Variants in PTPRT observed in about 807,000 individuals in gnomAD.
The protein encoded by PTPRT is protein tyrosine phosphatase receptor type T, also known as receptor-type tyrosine-protein phosphatase T.
PTPRT carries 56 observed loss-of-function variants against 176.8 expected under a neutral mutation model. That is an observed-to-expected ratio of 0.32 (90% CI 0.26 to 0.40). The LOEUF is 0.40. Ranked by LOEUF, PTPRT falls within the 10% of genes least tolerant of loss-of-function variation. The pLI is 1.00. For missense variants in PTPRT, 1,540 were observed against 1,908.2 expected (o/e 0.81, Z 3.60); for synonymous variants, 783 against 739.0 (o/e 1.06, Z -0.96).
chr20:42,838,847 G>A (rs908029147), intron 2 of PTPRT, among the ~76,000 whole-genome samples: 12 of 152,182 alleles, frequency 7.9e-5, no homozygotes, highest in East Asian at 1.9e-4. Context: ...CGTGTCCCCC[G>A]CTCATCCTTC....
chr20:43,098,133 G>A (rs1459182984), intron 1 of PTPRT, among the ~76,000 whole-genome samples: 2 of 152,166 alleles, frequency 1.3e-5, no homozygotes, highest in Non-Finnish European at 2.9e-5. Flanking sequence ...GAGATGGAAG[G>A]AAGCTCCAAG....
intron 5 of PTPRT, among the ~76,000 whole-genome samples, chr20:42,758,369 G>A (rs1569138131): frequency 1.3e-5 from 2 of 152,060 alleles, no homozygotes; most frequent in Non-Finnish European, 2.9e-5. Flanking sequence ...GAGCCACACT[G>A]CTCAGCTCTA....
Position 43,189,826 on chromosome 20 carries a change from G to T in PTPRT, c.-93C>A, listed in dbSNP as rs2015497219. Reference sequence around the variant, plus strand: ...GTGGCCCCGCATCGCCGGCGCGGCCGCTGGCTGTGCGCGCGGCTGGCTCCG... The same window carrying T: ...GTGGCCCCGCATCGCCGGCGCGGCCTCTGGCTGTGCGCGCGGCTGGCTCCG... On this transcript the variant is annotated 5_prime_UTR_variant, in exon 1 of 31. Coordinates refer to ENST00000373187, the MANE Select transcript of PTPRT (RefSeq NM_007050.6). This position sits in a 1 kb window ranked among gnomAD's most constrained non-coding sequence, Gnocchi z 5.0. The T allele has an allele frequency of 4.9e-6, 3 of 606,878 alleles. No individual in the cohort carries two copies. Among genetic ancestry groups the T allele is most frequent in the Non-Finnish European group, 6.2e-6 (3 of 483,154 alleles). The allele number at this position is 606,878 out of a possible 1,614,324, so 37.6% of individuals were successfully genotyped here.
At chr20:42,979,993 G>C (rs1324524147) in intron 1 of PTPRT, among the ~76,000 whole-genome samples, 11 of 102,216 alleles carry the variant, frequency 1.1e-4, no homozygotes, top group African/African-American at 3.3e-4. Flanking sequence ...GGGGGGGTGG[G>C]GGGGGGTCTT....
At chr20:42,032,406 A>G in the PTPRT span, among the ~76,000 whole-genome samples, 2 of 152,196 alleles carry the variant, frequency 1.3e-5, no homozygotes, top group African/African-American at 4.8e-5. Context: ...CTGATAATCA[A>G]AAGAGATCAT....
At chr20:42,461,019 CA>C in intron 8 of PTPRT, among the ~76,000 whole-genome samples, 1 of 151,888 alleles carries the variant, frequency 6.6e-6, no homozygotes, top group East Asian at 1.9e-4. Context: ...TCTGTCTCTA[CA>C]AAAAAAGTAA....
chr20:42,667,547 A>G (rs188468099), intron 7 of PTPRT, among the ~76,000 whole-genome samples: 2 of 152,346 alleles, frequency 1.3e-5, no homozygotes, highest in Admixed American at 6.5e-5. Flanking sequence ...TTAAAAATCC[A>G]GAGAGCTTGA....
chr20:42,492,881 A>C (rs1310862959), intron 7 of PTPRT, among the ~76,000 whole-genome samples: 1 of 152,186 alleles, frequency 6.6e-6, no homozygotes, highest in East Asian at 1.9e-4. Flanking sequence ...AGTTCTATAT[A>C]TTAAAATTAT....
chr20:42,192,054 C>T (rs1195701887), intron 16 of PTPRT, among the ~76,000 whole-genome samples: 1 of 152,084 alleles, frequency 6.6e-6, no homozygotes, highest in East Asian at 1.9e-4. Flanking sequence ...TTTATGAAAT[C>T]AAGATAATGA....
chr20:42,097,047 G>A (rs1378987592), intron 27 of PTPRT, among the ~76,000 whole-genome samples: 1 of 152,208 alleles, frequency 6.6e-6, no homozygotes, highest in Non-Finnish European at 1.5e-5. Context: ...ACAGCAGTGT[G>A]GGTGGAAGCC....
intron 1 of PTPRT, among the ~76,000 whole-genome samples, chr20:43,016,221 C>T (rs1305890569): frequency 6.6e-6 from 1 of 152,122 alleles, no homozygotes; most frequent in Admixed American, 6.5e-5. Context: ...CCCTCTTTTC[C>T]CCATGTTTCC....
chr20:42,034,546 G>A, the PTPRT span, among the ~76,000 whole-genome samples: 1,898 of 152,266 alleles, frequency 0.012, 92 homozygotes, highest in East Asian at 0.16. Context: ...GCCAGAGGCT[G>A]TGGACCTCAC....
chr20:42,329,038 G>T lies in PTPRT; in HGVS notation c.1866-13042C>A, dbSNP rs116621853. Among the ~76,000 whole-genome samples, 600 of 152,022 alleles carry T rather than the reference G, an allele frequency of 3.9e-3. 5 individuals are homozygous for T. The highest frequency in any genetic ancestry group is 0.014 in the African/African-American group (578 of 41,472). ...AAAAACCAGTTAGCAAACACAATAG[G>T]GGACAGATAGCAGAAGACACCACAA... On this transcript the variant is annotated intron_variant, in intron 11 of 30. Coordinates refer to ENST00000373187, the MANE Select transcript of PTPRT (RefSeq NM_007050.6).
At chr20:42,994,073 A>T (rs534975357) in intron 1 of PTPRT, among the ~76,000 whole-genome samples, 7 of 152,332 alleles carry the variant, frequency 4.6e-5, no homozygotes, top group South Asian at 2.1e-4. Context: ...ATTATAATTT[A>T]AAATATGTGT....
At chr20:42,222,944 C>T (rs547520101) in intron 15 of PTPRT, among the ~76,000 whole-genome samples, 1 of 152,218 alleles carries the variant, frequency 6.6e-6, no homozygotes, top group Admixed American at 6.5e-5. Context: ...GACTGAGCCC[C>T]TAACCTGTGG....
intron 1 of PTPRT, among the ~76,000 whole-genome samples, chr20:42,916,314 A>G (rs1464387544): frequency 6.6e-6 from 1 of 152,134 alleles, no homozygotes; most frequent in African/African-American, 2.4e-5. Context: ...TTATGGCTGC[A>G]TAGTATTCCA....
intron 19 of PTPRT, among the ~76,000 whole-genome samples, chr20:42,125,094 C>T (rs938374259): frequency 1.9e-4 from 29 of 152,166 alleles, no homozygotes; most frequent in African/African-American, 7.0e-4. Flanking sequence ...CATAGCTACT[C>T]TCTTCCCTTA....
chr20:42,067,560 T>C, the PTPRT span, among the ~76,000 whole-genome samples: 1 of 152,278 alleles, frequency 6.6e-6, no homozygotes, highest in Admixed American at 6.5e-5. Context: ...ACAGGACCCC[T>C]TACCATCCTT....
chr20:42,033,069 A>G, the PTPRT span, among the ~76,000 whole-genome samples: 1 of 152,152 alleles, frequency 6.6e-6, no homozygotes, highest in Non-Finnish European at 1.5e-5. Context: ...CATGTGATGT[A>G]TGTGTGGTTA....
Sources: allele counts gnomAD v4.1 joint callset (sites outside exome capture counted in the v4.1 genomes callset), GRCh38; gene constraint gnomAD v4.1.1; non-coding constraint Gnocchi (gnomAD v3.1); transcripts MANE v1.5; gene names NCBI Gene and HGNC (gene_info 2026-07-23, HGNC 2026-07-21).